CDH12: variants seen among roughly 807,000 people sequenced by gnomAD.
CDH12 encodes cadherin 12.
Under a neutral mutation model 74.1 loss-of-function variants are expected in CDH12, and 41 were observed. The ratio of observed to expected loss-of-function variants is 0.55; its 90% CI spans 0.43 to 0.72. The LOEUF is 0.72. CDH12 is among the 30% of genes least tolerant of loss of function. CDH12 has a pLI of 0.00. For missense variants in CDH12, 945 were observed against 977.2 expected, an observed-to-expected ratio of 0.97 and a Z score of 0.44; for synonymous variants, 399 against 355.0, an observed-to-expected ratio of 1.12 and a Z score of -1.39.
chr5:22,705,931 ATG>A (rs762249479), intron 1 of CDH12, among the ~76,000 whole-genome samples: 9 of 152,100 alleles, frequency 5.9e-5, no homozygotes, highest in Non-Finnish European at 7.4e-5. Flanking sequence ...GAATGGAAAG[ATG>A]TTCCTATTAT....
At chr5:22,344,554 C>T (rs2150458508) in intron 3 of CDH12, among the ~76,000 whole-genome samples, 1 of 152,170 alleles carries the variant, frequency 6.6e-6, no homozygotes, top group South Asian at 2.1e-4. Flanking sequence ...GCAACAACCA[C>T]CCACAGCTAA....
At chr5:22,683,635 G>C (rs1464091673) in intron 1 of CDH12, among the ~76,000 whole-genome samples, 3 of 152,104 alleles carry the variant, frequency 2.0e-5, no homozygotes, top group Non-Finnish European at 4.4e-5. Context: ...TGAGCTAAGT[G>C]CCTAAAATAA....
chr5:21,798,538 T>A (rs992616050), intron 10 of CDH12, among the ~76,000 whole-genome samples: 1 of 152,096 alleles, frequency 6.6e-6, no homozygotes, highest in Non-Finnish European at 1.5e-5. Context: ...GATGTTTATG[T>A]TTCCCCAAAA....
intron 3 of CDH12, among the ~76,000 whole-genome samples, chr5:22,331,066 G>A (rs746201954): frequency 6.6e-6 from 1 of 152,292 alleles, no homozygotes. Flanking sequence ...AGGCTCCTCT[G>A]CCTGTGGAAA....
chr5:22,696,431 T>TA (rs1465739250), intron 1 of CDH12, among the ~76,000 whole-genome samples: 3 of 151,986 alleles, frequency 2.0e-5, no homozygotes, highest in Non-Finnish European at 4.4e-5. Flanking sequence ...TGCATCAACT[T>TA]AAAATACCAT....
rs114322205 is a variant in CDH12 at position 22,525,532 on chromosome 5, G to C, written c.-522-20168C>G. 8.3e-3 allele frequency among the ~76,000 whole-genome samples: 1,262 copies of C among 151,884 alleles called. 11 individuals are homozygous for C. The highest frequency in any genetic ancestry group is 0.029 in the African/African-American group (1,215 of 41,408). On this transcript the variant is annotated intron_variant, in intron 1 of 14. Coordinates refer to ENST00000382254, the MANE Select transcript of CDH12 (RefSeq NM_004061.5). ...AGGAAGGAATGAAGGAAAGAAGGGA[G>C]GGAGAGAGGGAGGGAGGGAGGGAAT...
At chr5:21,975,916 T>G (rs2150123334) in intron 5 of CDH12, among the ~76,000 whole-genome samples, 1 of 152,138 alleles carries the variant, frequency 6.6e-6, no homozygotes, top group East Asian at 1.9e-4. Context: ...ATAAATTAGC[T>G]CATAAACACC....
intron 2 of CDH12, among the ~76,000 whole-genome samples, chr5:22,429,407 G>C (rs1341542482): frequency 6.6e-6 from 1 of 152,004 alleles, no homozygotes; most frequent in Non-Finnish European, 1.5e-5. Flanking sequence ...CCAAAGTGCT[G>C]GTATTACAGG....
intron 1 of CDH12, among the ~76,000 whole-genome samples, chr5:22,770,011 A>G (rs897339923): frequency 6.6e-6 from 1 of 152,080 alleles, no homozygotes; most frequent in African/African-American, 2.4e-5. Context: ...TGGTTCATAT[A>G]AAATAAGCTG....
chr5:22,000,440 G>A lies in CDH12; in HGVS notation c.232-25055C>T, dbSNP rs1736539806. ...AGACCAAACAGATAAAGCTATATGT[G>A]TAAGTCTCAGAAAGAGCAGGAGGAC... On this transcript the variant is annotated intron_variant, in intron 5 of 14. Coordinates refer to ENST00000382254, the MANE Select transcript of CDH12 (RefSeq NM_004061.5). Among the ~76,000 whole-genome samples the A allele has an allele frequency of 2.0e-5, 3 of 152,274 alleles. No homozygotes were observed. The East Asian group carries it at 5.8e-4, about 29-fold the overall frequency.
At chr5:22,551,311 T>C (rs1043941199) in intron 1 of CDH12, among the ~76,000 whole-genome samples, 5 of 152,178 alleles carry the variant, frequency 3.3e-5, no homozygotes, top group African/African-American at 1.2e-4. Flanking sequence ...GTCTTAGACT[T>C]TGAGTCTCCA....
chr5:22,247,223 A>G (rs1372494236), intron 3 of CDH12, among the ~76,000 whole-genome samples: 1 of 152,202 alleles, frequency 6.6e-6, no homozygotes, highest in Admixed American at 6.6e-5. Context: ...ACATACACTT[A>G]TTAGGGTTAG....
At chr5:22,538,623 A>C (rs1737968353) in intron 1 of CDH12, among the ~76,000 whole-genome samples, 1 of 152,178 alleles carries the variant, frequency 6.6e-6, no homozygotes, top group Non-Finnish European at 1.5e-5. Context: ...CATTTGAAGA[A>C]CCACTAGCCC....
At chr5:22,044,936 T>C (rs765026739) in intron 5 of CDH12, among the ~76,000 whole-genome samples, 17 of 151,982 alleles carry the variant, frequency 1.1e-4, no homozygotes, top group African/African-American at 3.1e-4. Flanking sequence ...AAAGCAAAAA[T>C]AGACAAATGG....
At chr5:22,575,126 G>T (rs368239990) in intron 1 of CDH12, among the ~76,000 whole-genome samples, 1 of 152,110 alleles carries the variant, frequency 6.6e-6, no homozygotes, top group South Asian at 2.1e-4. Context: ...CACTAACAAC[G>T]TTTTACATGA....
intron 8 of CDH12, among the ~76,000 whole-genome samples, chr5:21,831,383 C>A (rs751250173): frequency 3.9e-5 from 6 of 152,116 alleles, no homozygotes; most frequent in African/African-American, 1.2e-4. Flanking sequence ...ATAGACGGAA[C>A]CTACTCATAC....
chr5:21,773,645 T>C (rs1009388632), intron 11 of CDH12, among the ~76,000 whole-genome samples: 4 of 152,160 alleles, frequency 2.6e-5, no homozygotes, highest in African/African-American at 9.7e-5. Flanking sequence ...ATCTTGCAGA[T>C]GGCCTGTTGT....
At chr5:22,284,608 TG>T (rs1737054634) in intron 3 of CDH12, among the ~76,000 whole-genome samples, 1 of 152,178 alleles carries the variant, frequency 6.6e-6, no homozygotes, top group Non-Finnish European at 1.5e-5. Flanking sequence ...TCTGTTAGCA[TG>T]TGCAAGTTAC....
intron 6 of CDH12, among the ~76,000 whole-genome samples, chr5:21,861,972 C>G (rs779953412): frequency 1.5e-4 from 23 of 150,808 alleles, no homozygotes; most frequent in Non-Finnish European, 2.7e-4. Context: ...TGTATTATAT[C>G]TGTGTCTATC....
Sources: gnomAD v4.1 joint callset for allele counts (sites outside exome capture counted in the v4.1 genomes callset) on GRCh38, gnomAD v4.1.1 for gene constraint, MANE v1.5 for transcripts, NCBI Gene and HGNC (gene_info 2026-07-23, HGNC 2026-07-21) for gene names.